CREB5: variants seen among roughly 807,000 people sequenced by gnomAD.
The protein encoded by CREB5 is cyclic AMP-responsive element-binding protein 5.
A neutral mutation model predicts 57.1 loss-of-function variants in CREB5; 19 were observed. The observed-to-expected ratio is 0.33, with a 90% CI of 0.23 to 0.49. CREB5 has a LOEUF of 0.49. CREB5 is among the 20% of genes least tolerant of loss of function. The pLI is 0.99. For missense variants in CREB5, 579 were observed against 671.6 expected (o/e 0.86, Z 1.52); for synonymous variants, 238 against 238.3 (o/e 1.00, Z 0.01).
chr7:28,346,984 G>A (rs921132048), intron 1 of CREB5, among the ~76,000 whole-genome samples: 2 of 152,188 alleles, frequency 1.3e-5, no homozygotes, highest in African/African-American at 4.8e-5. Flanking sequence ...GGACAAAGGA[G>A]GAAGTGGAAA....
intron 1 of CREB5, among the ~76,000 whole-genome samples, chr7:28,429,162 G>A (rs541857306): frequency 6.6e-6 from 1 of 152,184 alleles, no homozygotes; most frequent in East Asian, 1.9e-4. Context: ...GAGTAGCTGG[G>A]ATTACAGACA....
chr7:28,735,160 T>G (rs1347406445), intron 7 of CREB5, among the ~76,000 whole-genome samples: 1 of 152,222 alleles, frequency 6.6e-6, no homozygotes, highest in Non-Finnish European at 1.5e-5. Context: ...TATTACTTTT[T>G]TTGCTTGGAA....
chr7:28,527,799 C>CAG (rs964510973), intron 4 of CREB5, among the ~76,000 whole-genome samples: 2 of 152,126 alleles, frequency 1.3e-5, no homozygotes, highest in African/African-American at 4.8e-5. Context: ...GCCTGCGTGA[C>CAG]AGAGAGAGAT....
chr7:28,550,279 T>A (rs1031115831), intron 4 of CREB5, among the ~76,000 whole-genome samples: 15 of 152,166 alleles, frequency 9.9e-5, no homozygotes, highest in African/African-American at 3.6e-4. Context: ...TTGGAATATT[T>A]TAGCCCTGAA....
At chr7:28,621,872 T>G (rs943913321) in intron 5 of CREB5, among the ~76,000 whole-genome samples, 1 of 152,214 alleles carries the variant, frequency 6.6e-6, no homozygotes, top group African/African-American at 2.4e-5. Flanking sequence ...GCTGATTTAT[T>G]GTTTTAATTG....
At chr7:28,816,391 A>G (rs1809441716) in intron 9 of CREB5, among the ~76,000 whole-genome samples, 1 of 152,222 alleles carries the variant, frequency 6.6e-6, no homozygotes, top group African/African-American at 2.4e-5. Context: ...GTTGGGAGGT[A>G]CAATTTGCCT....
intron 1 of CREB5, among the ~76,000 whole-genome samples, chr7:28,458,626 AT>A (rs1790217376): frequency 6.6e-6 from 1 of 152,202 alleles, no homozygotes; most frequent in Non-Finnish European, 1.5e-5. Flanking sequence ...TGTTGAAAAA[AT>A]CACCTGAGCT....
intron 1 of CREB5, among the ~76,000 whole-genome samples, chr7:28,477,710 GT>G (rs1324170138): frequency 1.3e-5 from 2 of 152,200 alleles, no homozygotes; most frequent in Non-Finnish European, 2.9e-5. Flanking sequence ...TTTTTCCAGA[GT>G]GTTTTAGTGG....
intron 1 of CREB5, among the ~76,000 whole-genome samples, chr7:28,383,300 G>C (rs908471262): frequency 6.6e-6 from 1 of 152,206 alleles, no homozygotes; most frequent in Non-Finnish European, 1.5e-5. Context: ...TTTCAAAGCA[G>C]CTAGATCAGA....
At chr7:28,774,231 G>A (rs541346870) in intron 7 of CREB5, among the ~76,000 whole-genome samples, 2 of 152,280 alleles carry the variant, frequency 1.3e-5, no homozygotes, top group East Asian at 1.9e-4. Flanking sequence ...TTCAACTGGT[G>A]GGTAAAACCA....
intron 1 of CREB5, among the ~76,000 whole-genome samples, chr7:28,466,086 T>A (rs539959222): frequency 6.6e-6 from 1 of 152,228 alleles, no homozygotes; most frequent in East Asian, 1.9e-4. Context: ...AAGGGCATAA[T>A]AACACCTTCA....
Position 28,412,929 on chromosome 7 carries a change from G to A in CREB5, c.3+12G>A, listed in dbSNP as rs1787863863. On this transcript the variant is annotated intron_variant, in intron 1 of 10. Transcript: ENST00000357727. ...TTCTACAGATAATGGTAAGGATGAT[G>A]TTTATTATGCATATTAAACAGAGAG... 3 of 1,471,096 alleles carry A rather than the reference G, an allele frequency of 2.0e-6. No homozygotes were observed. Among genetic ancestry groups the A allele is most frequent in the Non-Finnish European group, 2.7e-6 (3 of 1,105,806 alleles). The allele number at this position is 1,471,096 out of a possible 1,614,324, so 91.1% of individuals were successfully genotyped here.
rs190279981 is a variant in CREB5, at chr7:28,794,180, G to A, written c.703-10019G>A. On this transcript the variant is annotated intron_variant, in intron 7 of 10. Transcript: ENST00000357727. ...GTTCATCCAAAATAAAATAACAAGG[G>A]ATTACTTTTTTCCAATAGAACTTTC... Among the ~76,000 whole-genome samples the A allele has an allele frequency of 6.6e-5, 10 of 152,248 alleles. No homozygotes were observed. The East Asian group carries it at 1.7e-3, about 26-fold the overall frequency.
intron 1 of CREB5, among the ~76,000 whole-genome samples, chr7:28,375,918 A>G (rs1411869950): frequency 6.6e-6 from 1 of 152,214 alleles, no homozygotes; most frequent in Non-Finnish European, 1.5e-5. Flanking sequence ...TACAGATGGG[A>G]AAACTGAGGC....
At chr7:28,678,336 C>A (rs1297976143) in intron 5 of CREB5, among the ~76,000 whole-genome samples, 1 of 151,858 alleles carries the variant, frequency 6.6e-6, no homozygotes, top group Non-Finnish European at 1.5e-5. Flanking sequence ...TGCAGTGAGC[C>A]AAGACGGCAC....
At chr7:28,363,643 C>T (rs144549011) in intron 1 of CREB5, among the ~76,000 whole-genome samples, 2 of 151,956 alleles carry the variant, frequency 1.3e-5, no homozygotes, top group East Asian at 3.9e-4. Context: ...ACATCATACT[C>T]ATTTTTGTAT....
rs985736188 is a variant in CREB5 at position 28,352,866 on chromosome 7, C to T, written c.-25+53425C>T. 2.0e-5 allele frequency among the ~76,000 whole-genome samples: 3 copies of T among 152,206 alleles called. No homozygotes were observed. The East Asian group carries it at 5.8e-4, about 29-fold the overall frequency. The stretch of plus-strand genomic sequence containing the variant: ...GTTCATTAATGTGCCCACTGTCTCT[C>T]AGCTAATAAGTGGAAAGCTAGGGTT... On this transcript the variant is annotated intron_variant, in intron 1 of 9. Coordinates refer to the CREB5 transcript ENST00000396299.
chr7:28,709,388 A>G lies in CREB5; in HGVS notation c.465-9365A>G, dbSNP rs561318117. 3.9e-5 allele frequency among the ~76,000 whole-genome samples: 6 copies of G among 152,350 alleles called. No homozygotes were observed. In the East Asian group the frequency reaches 1.2e-3, roughly 29 times the overall value. ...CAATCCAGCCAGGTTTTTGGTTAAT[A>G]AATGAATCAAGCTGACTGCATGACT... On this transcript the variant is annotated intron_variant, in intron 5 of 10. Coordinates refer to ENST00000357727, the MANE Select transcript of CREB5 (RefSeq NM_182898.4).
chr7:28,599,845 GA>G (rs1229285099), intron 5 of CREB5, among the ~76,000 whole-genome samples: 1 of 152,098 alleles, frequency 6.6e-6, no homozygotes, highest in Non-Finnish European at 1.5e-5. Context: ...CAGGATATGA[GA>G]ATTGTTACAC....
Sources: gnomAD v4.1 joint callset for allele counts (sites outside exome capture counted in the v4.1 genomes callset) on GRCh38, gnomAD v4.1.1 for gene constraint, MANE v1.5 for transcripts, NCBI Gene and HGNC (gene_info 2026-07-23, HGNC 2026-07-21) for gene names.